TEC: variants seen among roughly 807,000 people sequenced by gnomAD.
TEC encodes tyrosine-protein kinase Tec.
A neutral mutation model predicts 93.0 loss-of-function variants in TEC; 72 were observed. The ratio of observed to expected loss-of-function variants is 0.77; its 90% CI spans 0.64 to 0.94. The LOEUF (loss-of-function observed/expected upper bound fraction) is 0.94, where lower values mean the gene tolerates loss of function less well. TEC is among the 40% of genes least tolerant of loss of function. TEC has a pLI of 0.00. For missense variants in TEC, 630 were observed against 757.9 expected (o/e 0.83, Z 1.98); for synonymous variants, 249 against 247.7 (o/e 1.01, Z -0.05).
intron 15 of TEC, 62 bp from the exon 16 acceptor site, chr4:48,139,084 C>G (rs77876977): frequency 4.9e-6 from 7 of 1,423,226 alleles, no homozygotes; most frequent in African/African-American, 1.4e-5. Flanking sequence ...TCTACTTGCT[C>G]TTTCATTTTT....
intron 11 of TEC, among the ~76,000 whole-genome samples, chr4:48,146,974 T>C (rs1719943017): frequency 6.6e-6 from 1 of 152,094 alleles, no homozygotes; most frequent in African/African-American, 2.4e-5. Flanking sequence ...TCCCCACAAG[T>C]GGTAGGGTCT....
At chr4:48,210,662 A>G (rs546378554) in intron 2 of TEC, among the ~76,000 whole-genome samples, 1 of 152,320 alleles carries the variant, frequency 6.6e-6, no homozygotes, top group Admixed American at 6.5e-5. Context: ...ACGACCCCCA[A>G]CAGAGTTCCA....
intron 14 of TEC, among the ~76,000 whole-genome samples, chr4:48,144,043 G>A (rs546987895): frequency 1.8e-4 from 27 of 151,944 alleles, no homozygotes; most frequent in Non-Finnish European, 3.1e-4. Context: ...TGAGCAACAC[G>A]GTGAAACCCC....
chr4:48,190,190 T>C (rs1722043388), intron 2 of TEC, among the ~76,000 whole-genome samples: 1 of 152,172 alleles, frequency 6.6e-6, no homozygotes, highest in South Asian at 2.1e-4. Flanking sequence ...GCCAGGTGAG[T>C]ATTTATCAGA....
chr4:48,229,087 A>C (rs1241254736), intron 1 of TEC, among the ~76,000 whole-genome samples: 1 of 152,234 alleles, frequency 6.6e-6, no homozygotes, highest in African/African-American at 2.4e-5. Flanking sequence ...AGACACAGCC[A>C]ACTCATGAAC....
chr4:48,223,351 T>G, intron 2 of TEC, among the ~76,000 whole-genome samples: 1 of 152,182 alleles, frequency 6.6e-6, no homozygotes, highest in East Asian at 1.9e-4. Context: ...GTGCTAACTT[T>G]AAGATGTTTA....
chr4:48,160,286 TC>T (rs1236369485), intron 8 of TEC, among the ~76,000 whole-genome samples: 2 of 152,130 alleles, frequency 1.3e-5, no homozygotes, highest in Non-Finnish European at 2.9e-5. Flanking sequence ...GAAAACTGAT[TC>T]TAAGAGGTTA....
At chr4:48,222,104 T>C (rs992308148) in intron 2 of TEC, among the ~76,000 whole-genome samples, 1 of 152,136 alleles carries the variant, frequency 6.6e-6, no homozygotes, top group African/African-American at 2.4e-5. Context: ...TGAGTAAGTG[T>C]TCCCCAGGCA....
chr4:48,138,517 C>G, intron 17 of TEC, 148 bp downstream of exon 17: 1 of 817,362 alleles, frequency 1.2e-6, no homozygotes, highest in Non-Finnish European at 1.9e-6. Context: ...TTATTCAGAA[C>G]TTGAGTTGAG....
intron 2 of TEC, among the ~76,000 whole-genome samples, chr4:48,194,294 C>T (rs1302730165): frequency 4.6e-5 from 7 of 152,226 alleles, no homozygotes; most frequent in Admixed American, 6.5e-5. Flanking sequence ...TAGTGGAGGG[C>T]ACAGAGGCAT....
chr4:48,196,112 G>A (rs1220707801), intron 2 of TEC, among the ~76,000 whole-genome samples: 1 of 152,174 alleles, frequency 6.6e-6, no homozygotes, highest in Admixed American at 6.5e-5. Context: ...GGACTGCCTA[G>A]AGAGCTGGTA....
rs1366133951 is a variant in TEC at position 48,251,942 on chromosome 4, G to A, written c.-46+17810C>T. Among the ~76,000 whole-genome samples, 4 of 152,084 alleles carry A rather than the reference G, an allele frequency of 2.6e-5. No homozygotes were observed. In the South Asian group the frequency reaches 6.2e-4, roughly 24 times the overall value. On this transcript the variant is annotated intron_variant, in intron 1 of 17. Coordinates refer to ENST00000381501, the MANE Select transcript of TEC (RefSeq NM_003215.3). ...ATAAACAAATCAGATCCTAAGATCTGGTTTTTACAAAGACGAAGAAGCAAG... is the reference window on the plus strand; with the variant it reads ...ATAAACAAATCAGATCCTAAGATCTAGTTTTTACAAAGACGAAGAAGCAAG...
At position 48,247,481 on chromosome 4, in the gene TEC, A is replaced by C. The variant is rs2109664313; in HGVS notation, c.-45-18822T>G. On this transcript the variant is annotated intron_variant, in intron 1 of 17. Transcript: ENST00000381501. ...CTCACAACAGCCAAAAAGTGAAAAC[A>C]ACCCAATGTCTGCCAACTGATGAAT... is the stretch of plus-strand genomic sequence containing the variant. 1.3e-5 allele frequency among the ~76,000 whole-genome samples: 2 copies of C among 152,370 alleles called. 1 individual carries two copies. Among genetic ancestry groups the C allele is most frequent in the South Asian group, 4.1e-4 (2 of 4,824 alleles).
At chr4:48,214,130 G>A (rs1259704952) in intron 2 of TEC, among the ~76,000 whole-genome samples, 1 of 152,124 alleles carries the variant, frequency 6.6e-6, no homozygotes, top group Non-Finnish European at 1.5e-5. Context: ...AAAGGCTAAT[G>A]GGTGCGAGGT....
At chr4:48,267,023 A>C (rs1724656691) in intron 1 of TEC, among the ~76,000 whole-genome samples, 1 of 152,236 alleles carries the variant, frequency 6.6e-6, no homozygotes, top group Non-Finnish European at 1.5e-5. Flanking sequence ...TCAACAGATA[A>C]TGCTTAAAAT....
intron 2 of TEC, among the ~76,000 whole-genome samples, chr4:48,214,706 T>C (rs569152649): frequency 2.7e-5 from 4 of 146,644 alleles, no homozygotes; most frequent in African/African-American, 1.0e-4. Context: ...ACAAAAAAAA[T>C]AGCCAGGCGT....
At chr4:48,167,703 G>A (rs979134482) in intron 7 of TEC, 75 bp downstream of exon 7, 46 of 1,390,180 alleles carry the variant, frequency 3.3e-5, no homozygotes, top group South Asian at 7.6e-5. Flanking sequence ...CGATAGTTAC[G>A]ACTTATCTAC....
chr4:48,208,769 A>G (rs1722798210), intron 2 of TEC, among the ~76,000 whole-genome samples: 2 of 152,334 alleles, frequency 1.3e-5, no homozygotes, highest in Non-Finnish European at 2.9e-5. Context: ...GGTAAATTCC[A>G]GGACAGCAGG....
intron 1 of TEC, among the ~76,000 whole-genome samples, chr4:48,247,787 C>T (rs545083389): frequency 6.6e-5 from 10 of 152,258 alleles, no homozygotes; most frequent in East Asian, 1.9e-4. Flanking sequence ...GTGGCGATGA[C>T]GCATAGCATC....
Sources: gnomAD v4.1 joint callset for allele counts (sites outside exome capture counted in the v4.1 genomes callset) on GRCh38, gnomAD v4.1.1 for gene constraint, MANE v1.5 for transcripts, NCBI Gene and HGNC (gene_info 2026-07-23, HGNC 2026-07-21) for gene names.